KCND2: variants seen among roughly 807,000 people sequenced by gnomAD.
The protein encoded by KCND2 is A-type voltage-gated potassium channel KCND2.
A neutral mutation model predicts 54.4 loss-of-function variants in KCND2; 16 were observed. The observed-to-expected ratio is 0.29, with a 90% CI of 0.20 to 0.45. The LOEUF is 0.45. Among genes scored for constraint, KCND2 ranks in the 20% least tolerant of loss-of-function variants. KCND2 has a pLI of 1.00. For synonymous variants in KCND2, 317 were observed against 310.7 expected, an observed-to-expected ratio of 1.02 and a Z score of -0.21; for missense variants, 486 against 824.2, an observed-to-expected ratio of 0.59 and a Z score of 5.02.
At chr7:120,650,478 G>A (rs1454327249) in intron 1 of KCND2, among the ~76,000 whole-genome samples, 1 of 142,802 alleles carries the variant, frequency 7.0e-6, no homozygotes, top group African/African-American at 2.8e-5. Flanking sequence ...GGTCATTTAA[G>A]GACTTCTCTA....
At chr7:120,295,265 C>T (rs1366222961) in intron 1 of KCND2, among the ~76,000 whole-genome samples, 4 of 151,496 alleles carry the variant, frequency 2.6e-5, no homozygotes, top group African/African-American at 4.8e-5. Context: ...AGTGCCTACA[C>T]TGGGCCATGT....
chr7:120,661,137 T>C (rs1018954479), intron 1 of KCND2, among the ~76,000 whole-genome samples: 1 of 152,134 alleles, frequency 6.6e-6, no homozygotes, highest in South Asian at 2.1e-4. Context: ...AATCAGGAAA[T>C]GGAATAGAGA....
rs28477659 is a variant in KCND2 at position 120,490,379 on chromosome 7, T to C, written c.1115+214632T>C. Among the ~76,000 whole-genome samples the C allele has an allele frequency of 5.5e-3, 842 of 152,290 alleles. 8 individuals are homozygous for C. Among genetic ancestry groups the C allele is most frequent in the African/African-American group, 0.02 (812 of 41,558 alleles). Reference sequence around the variant, plus strand: ...CACTGTTTTGTGATCCCAGTAGTTATTAGACCAACTCTGAGAACTTATTAT... The same window carrying C: ...CACTGTTTTGTGATCCCAGTAGTTACTAGACCAACTCTGAGAACTTATTAT... On this transcript the variant is annotated intron_variant, in intron 1 of 5. Transcript: ENST00000331113.
chr7:120,315,282 G>A (rs1352245936), intron 1 of KCND2, among the ~76,000 whole-genome samples: 1 of 152,104 alleles, frequency 6.6e-6, no homozygotes, highest in Non-Finnish European at 1.5e-5. Flanking sequence ...AGACCCAAGA[G>A]TTTTCTGTGG....
intron 1 of KCND2, among the ~76,000 whole-genome samples, chr7:120,371,480 G>A (rs2116000116): frequency 6.6e-6 from 1 of 152,126 alleles, no homozygotes; most frequent in East Asian, 1.9e-4. Flanking sequence ...GAGGAAATTT[G>A]ATTGATAAGT....
chr7:120,604,090 A>G (rs1473299615), intron 1 of KCND2, among the ~76,000 whole-genome samples: 1 of 152,254 alleles, frequency 6.6e-6, no homozygotes, highest in Non-Finnish European at 1.5e-5. Flanking sequence ...AATGTAATTT[A>G]AAACATTTAA....
At chr7:120,730,372 T>C (rs1792790104) in intron 1 of KCND2, among the ~76,000 whole-genome samples, 1 of 152,186 alleles carries the variant, frequency 6.6e-6, no homozygotes, top group South Asian at 2.1e-4. Context: ...TTGGCTCATA[T>C]GTACACAGCA....
chr7:120,376,888 A>G (rs760489596), intron 1 of KCND2, among the ~76,000 whole-genome samples: 2 of 151,890 alleles, frequency 1.3e-5, no homozygotes, highest in Non-Finnish European at 2.9e-5. Context: ...AGCTGTTCTG[A>G]TATTGTATTG....
chr7:120,492,965 G>T (rs1802804956), intron 1 of KCND2, among the ~76,000 whole-genome samples: 2 of 151,820 alleles, frequency 1.3e-5, no homozygotes, highest in African/African-American at 4.8e-5. Context: ...TCCCACCATT[G>T]TAAAGTCAAA....
At chr7:120,552,095 G>C (rs1400280371) in intron 1 of KCND2, among the ~76,000 whole-genome samples, 2 of 152,096 alleles carry the variant, frequency 1.3e-5, no homozygotes, top group Middle Eastern at 3.2e-3. Context: ...AGAAACAAAA[G>C]TATCTTATAA....
intron 1 of KCND2, among the ~76,000 whole-genome samples, chr7:120,655,082 G>T (rs1330635349): frequency 1.3e-5 from 2 of 151,786 alleles, no homozygotes; most frequent in Non-Finnish European, 2.9e-5. Flanking sequence ...TGTCTTGGTG[G>T]AAAGGATTTT....
At chr7:120,577,532 T>C (rs1392736653) in intron 1 of KCND2, among the ~76,000 whole-genome samples, 2 of 148,900 alleles carry the variant, frequency 1.3e-5, no homozygotes, top group East Asian at 3.9e-4. Context: ...TCTGCCTCCC[T>C]GGACTCAAAC....
At chr7:120,688,635 T>C (rs1792233263) in intron 1 of KCND2, among the ~76,000 whole-genome samples, 1 of 152,144 alleles carries the variant, frequency 6.6e-6, no homozygotes, top group Admixed American at 6.6e-5. Flanking sequence ...GTTGATCACT[T>C]GTTCAGCACA....
chr7:120,614,867 C>A lies in KCND2; in HGVS notation c.1116-118036C>A, dbSNP rs1464607877. Reference sequence around the variant, plus strand: ...TTTCTTGAAGGAGATATTTACCATTCTTGGCCCAGGAGAAAACTTAGTGGA... The same window carrying A: ...TTTCTTGAAGGAGATATTTACCATTATTGGCCCAGGAGAAAACTTAGTGGA... On this transcript the variant is annotated intron_variant, in intron 1 of 5. Transcript: ENST00000331113. Among the ~76,000 whole-genome samples, 4 of 152,200 alleles carry A rather than the reference C, an allele frequency of 2.6e-5. No homozygotes were observed. The East Asian group carries it at 7.7e-4, about 29-fold the overall frequency.
chr7:120,431,694 A>G (rs1362397879), intron 1 of KCND2, among the ~76,000 whole-genome samples: 1 of 152,200 alleles, frequency 6.6e-6, no homozygotes, highest in Non-Finnish European at 1.5e-5. Context: ...CATATTAACC[A>G]TGAATTAGCA....
At position 120,374,293 on chromosome 7, in the gene KCND2, G is replaced by A. The variant is rs549657119; in HGVS notation, c.1115+98546G>A. 1.1e-4 allele frequency among the ~76,000 whole-genome samples: 16 copies of A among 151,716 alleles called. No homozygotes were observed. The East Asian group carries it at 2.9e-3, about 28-fold the overall frequency. On this transcript the variant is annotated intron_variant, in intron 1 of 5. Coordinates refer to ENST00000331113, the MANE Select transcript of KCND2 (RefSeq NM_012281.3). Reference sequence around the variant, plus strand: ...TTTTTACCTCATAGTAGATATTCAAGTCCGAAAGTTATGGATTTGTAACCA... The same window carrying A: ...TTTTTACCTCATAGTAGATATTCAAATCCGAAAGTTATGGATTTGTAACCA...
At chr7:120,430,831 C>T (rs973667392) in intron 1 of KCND2, among the ~76,000 whole-genome samples, 3 of 152,172 alleles carry the variant, frequency 2.0e-5, no homozygotes, top group African/African-American at 7.2e-5. Flanking sequence ...TACAACCACA[C>T]CACTATTCCA....
At chr7:120,340,894 G>T (rs1800230219) in intron 1 of KCND2, among the ~76,000 whole-genome samples, 1 of 152,152 alleles carries the variant, frequency 6.6e-6, no homozygotes, top group Non-Finnish European at 1.5e-5. Context: ...TTTCAGATTG[G>T]AGAAGAATAA....
intron 1 of KCND2, among the ~76,000 whole-genome samples, chr7:120,539,193 G>A (rs1791949951): frequency 6.6e-6 from 1 of 151,972 alleles, no homozygotes; most frequent in African/African-American, 2.4e-5. Context: ...ATATTACATA[G>A]CATATGCATA....
Sources: allele counts gnomAD v4.1 joint callset (sites outside exome capture counted in the v4.1 genomes callset), GRCh38; gene constraint gnomAD v4.1.1; transcripts MANE v1.5; gene names NCBI Gene and HGNC (gene_info 2026-07-23, HGNC 2026-07-21).